The following RIOX2 variants were observed in gnomAD, a reference collection of about 807,000 sequenced individuals.
RIOX2 encodes ribosomal oxygenase 2.
A neutral mutation model predicts 51.2 loss-of-function variants in RIOX2; 43 were observed. The observed-to-expected ratio is 0.84, with a 90% CI of 0.66 to 1.08. The LOEUF (loss-of-function observed/expected upper bound fraction) is 1.08. Among genes scored for constraint, RIOX2 ranks in the 50% least tolerant of loss-of-function variants. The pLI, the probability that RIOX2 is intolerant of heterozygous loss-of-function variation, is 0.00. For synonymous variants in RIOX2, 226 were observed against 218.5 expected (o/e 1.03, Z -0.30); for missense variants, 566 against 561.7 (o/e 1.01, Z -0.08).
chr3:97,945,936 A>C (rs1363349772), intron 8 of RIOX2, 49 bp from the exon 9 acceptor site: 2 of 1,340,756 alleles, frequency 1.5e-6, no homozygotes, highest in South Asian at 2.4e-5. Flanking sequence ...ACAACACTGA[A>C]GGTGTCAGTA....
At chr3:97,969,613 T>C (rs1706043214) in intron 1 of RIOX2, among the ~76,000 whole-genome samples, 1 of 152,030 alleles carries the variant, frequency 6.6e-6, no homozygotes, top group South Asian at 2.1e-4. Context: ...CCTCTGGGAG[T>C]CTGGAAACGT....
Position 97,942,509 on chromosome 3 carries a change from T to G in RIOX2, c.*2675A>C. On this transcript the variant is annotated 3_prime_UTR_variant, in exon 10 of 10. Transcript: ENST00000394198. ...TAGTTTCAGTTCCAAATCTCCTCAT[T>G]TTGGGTAAAGGACATCCTTATGTAT... 1 of 1,426,302 alleles carries G rather than the reference T, an allele frequency of 7.0e-7. No homozygotes were observed. The highest frequency in any genetic ancestry group is 9.5e-7 in the Non-Finnish European group (1 of 1,053,658). The allele number at this position is 1,426,302 out of a possible 1,614,324, so 88.4% of individuals were successfully genotyped here.
chr3:97,960,570 G>A (rs1254612013), intron 3 of RIOX2, among the ~76,000 whole-genome samples: 3 of 152,132 alleles, frequency 2.0e-5, no homozygotes, highest in Non-Finnish European at 4.4e-5. Context: ...CCCCCACACT[G>A]CACAAGGGTC....
chr3:97,972,108 G>T (rs925027358), intron 1 of RIOX2: 4 of 152,168 alleles, frequency 2.6e-5, no homozygotes, highest in African/African-American at 9.7e-5. Flanking sequence ...AGCAGGCCAC[G>T]TGTGCGACTC....
At chr3:97,964,426 C>CA (rs1408585176) in intron 2 of RIOX2, among the ~76,000 whole-genome samples, 2 of 151,990 alleles carry the variant, frequency 1.3e-5, no homozygotes, top group Non-Finnish European at 2.9e-5. Context: ...TGCGGTGGCT[C>CA]ATGCCTGTAA....
chr3:97,949,308 G>A (rs967819019), intron 7 of RIOX2, among the ~76,000 whole-genome samples: 1 of 152,128 alleles, frequency 6.6e-6, no homozygotes, highest in Admixed American at 6.6e-5. Flanking sequence ...CTCTCACCAT[G>A]TGTTCTGCAA....
chr3:97,959,113 G>A lies in RIOX2; in HGVS notation c.619C>T (p.Arg207Ter), dbSNP rs780786943. 30 of 1,613,820 alleles carry A rather than the reference G, an allele frequency of 1.9e-5. No homozygotes were observed. The highest frequency in any genetic ancestry group is 2.4e-5 in the Non-Finnish European group (28 of 1,179,952). Residue 207 changes from arginine (R) to a stop codon, truncating the protein, a stop_gained, in exon 4 of 10, where the codon CGA (arginine) becomes TGA (stop). Transcript: ENST00000394198. LOFTEE classifies it high-confidence loss of function. ...RLYHPTVPLA[R>*]EYSVEAEERI... ...TCCTCGGCCTCCACGCTGTACTCTC[G>A]TGCCAGGGGCACAGTGGGGTGGTAG...
At chr3:97,955,596 A>G (rs892069200) in intron 4 of RIOX2, among the ~76,000 whole-genome samples, 3 of 152,178 alleles carry the variant, frequency 2.0e-5, no homozygotes, top group African/African-American at 7.2e-5. Flanking sequence ...CTTAGTTGCA[A>G]ATTTTCCCTG....
At chr3:97,947,509 T>G in intron 7 of RIOX2, 60 bp from the exon 8 acceptor site, 2 of 1,312,688 alleles carry the variant, frequency 1.5e-6, no homozygotes, top group South Asian at 1.2e-5. Flanking sequence ...AGATTCAAAC[T>G]TGCTTATACA....
Position 97,945,338 on chromosome 3 carries a change from T to TG in RIOX2, c.1243dup (p.His415ProfsTer19). ...ATGTGACAAAGGGAAGCGAAGTCCATGAAACTGAAAGGATAAATTTATTTG... is the reference window on the plus strand; with the variant it reads ...ATGTGACAAAGGGAAGCGAAGTCCATGGAAACTGAAAGGATAAATTTATTTG... On this transcript the variant is annotated frameshift_variant, in exon 10 of 10. Transcript: ENST00000394198. LOFTEE classifies it high-confidence loss of function. 1 of 1,608,532 alleles carries TG rather than the reference T, an allele frequency of 6.2e-7. No individual in the cohort carries two copies. Among genetic ancestry groups the TG allele is most frequent in the Non-Finnish European group, 8.5e-7 (1 of 1,177,706 alleles).
Position 97,949,979 on chromosome 3 carries a change from T to A in RIOX2, c.925A>T (p.Ser309Cys), listed in dbSNP as rs758974003. Residue 309 changes from serine to cysteine, a missense_variant, in exon 7 of 10, where the codon AGT becomes TGT. Physicochemically the swap from Ser to Cys is moderately radical, Grantham distance 112. Coordinates refer to ENST00000394198, the MANE Select transcript of RIOX2 (RefSeq NM_153182.4). ...TCTGCAAGTGTCCTCAGGAAGCCAC[T>A]TAATCGTCTTGTAGCAACAGTTGTG... is the stretch of plus-strand genomic sequence containing the variant. ...ESTTVATRRL[S>C]GFLRTLADRL... The A allele has an allele frequency of 6.2e-7, 1 of 1,613,948 alleles. No individual in the cohort carries two copies. Among genetic ancestry groups the A allele is most frequent in the Non-Finnish European group, 8.5e-7 (1 of 1,179,940 alleles).
chr3:97,945,128 T>C lies in RIOX2; in HGVS notation c.*56A>G, dbSNP rs2040323801. 6.7e-7 allele frequency: 1 copy of C among 1,490,624 alleles called. No homozygotes were observed. The allele number at this position is 1,490,624 out of a possible 1,614,324, so 92.3% of individuals were successfully genotyped here. ...TCATCCTCTCCTCGGCTCAGGTCTT[T>C]GCTTTTCTTTTAATATATGCATATA... On this transcript the variant is annotated 3_prime_UTR_variant, in exon 10 of 10. Transcript: ENST00000394198.
chr3:97,968,412 C>G (rs1392247001), intron 1 of RIOX2, among the ~76,000 whole-genome samples: 1 of 152,130 alleles, frequency 6.6e-6, no homozygotes, highest in African/African-American at 2.4e-5. Context: ...ATATCATTAG[C>G]CCCTAACACA....
chr3:97,963,630 G>C (rs1705764169), intron 2 of RIOX2, among the ~76,000 whole-genome samples: 2 of 152,014 alleles, frequency 1.3e-5, no homozygotes, highest in African/African-American at 4.8e-5. Flanking sequence ...AGAAAACCAG[G>C]GCTTCTCTCT....
rs143478451 is a variant in RIOX2 at position 97,945,269 on chromosome 3, A to G, written c.1313T>C (p.Val438Ala). Residue 438 changes from valine to alanine, a missense_variant, in exon 10 of 10, where the codon GTC becomes GCC. Coordinates refer to ENST00000394198, the MANE Select transcript of RIOX2 (RefSeq NM_153182.4). ...KQIWNSPAIS[V>A]KDLKLTTDEE... is the part of the protein sequence containing the mutation. ...ATCTGTAGTAAGTTTCAGGTCCTTG[A>G]CAGAAATAGCTGGACTATTCCAAAT... 17 of 1,612,638 alleles carry G rather than the reference A, an allele frequency of 1.1e-5. No homozygotes were observed. The highest frequency in any genetic ancestry group is 1.4e-5 in the Non-Finnish European group (17 of 1,179,044).
intron 1 of RIOX2, among the ~76,000 whole-genome samples, chr3:97,971,332 C>T (rs1467581178): frequency 6.6e-6 from 1 of 152,224 alleles, no homozygotes; most frequent in African/African-American, 2.4e-5. Context: ...CCATAATCTG[C>T]ATTAACGTAA....
intron 2 of RIOX2, among the ~76,000 whole-genome samples, chr3:97,964,165 C>G (rs1357064596): frequency 1.3e-5 from 2 of 152,164 alleles, no homozygotes; most frequent in Non-Finnish European, 2.9e-5. Flanking sequence ...GTGACCTCCT[C>G]TCTCCACTGA....
rs762601256 is a variant in RIOX2 at position 97,942,476 on chromosome 3, C to G, written c.*2708G>C. 3 of 1,555,190 alleles carry G rather than the reference C, an allele frequency of 1.9e-6. No individual in the cohort carries two copies. Among genetic ancestry groups the G allele is most frequent in the South Asian group, 2.5e-5 (2 of 81,222 alleles). ...TTTGATGATACCCAATGTTGTGTCC[C>G]TGGATATTAGTTTCAGTTCCAAATC... On this transcript the variant is annotated 3_prime_UTR_variant, in exon 10 of 10. Coordinates refer to ENST00000394198, the MANE Select transcript of RIOX2 (RefSeq NM_153182.4).
chr3:97,960,619 G>T (rs1705641833), intron 3 of RIOX2, among the ~76,000 whole-genome samples: 1 of 152,164 alleles, frequency 6.6e-6, no homozygotes, highest in Admixed American at 6.5e-5. Context: ...GATGAGAAAT[G>T]CATGTCATTC....
Sources: allele counts gnomAD v4.1 joint callset (sites outside exome capture counted in the v4.1 genomes callset), GRCh38; gene constraint gnomAD v4.1.1; transcripts MANE v1.5; gene names NCBI Gene and HGNC (gene_info 2026-07-23, HGNC 2026-07-21).